The following ARMC2 variants were observed in gnomAD, a reference collection of about 807,000 sequenced individuals.
ARMC2 encodes armadillo repeat-containing protein 2.
Under a neutral mutation model 90.3 loss-of-function variants are expected in ARMC2, and 67 were observed. That is an observed-to-expected ratio of 0.74 (90% CI 0.61 to 0.91). The LOEUF is 0.91. Among genes scored for constraint, ARMC2 ranks in the 40% least tolerant of loss-of-function variants. The pLI, the probability that ARMC2 is intolerant of heterozygous loss-of-function variation, is 0.00. For missense variants in ARMC2, 920 were observed against 1,030.9 expected (o/e 0.89, Z 1.47); for synonymous variants, 393 against 393.0 (o/e 1.00, Z 0.00).
the ARMC2 span, chr6:109,002,346 A>G: frequency 6.2e-7 from 1 of 1,612,560 alleles, no homozygotes; most frequent in Non-Finnish European, 8.5e-7. Context: ...CCAAGTTCCT[A>G]GAAAAGAAAA....
chr6:108,969,301 T>C (rs184684442), intron 17 of ARMC2, among the ~76,000 whole-genome samples: 5 of 152,346 alleles, frequency 3.3e-5, no homozygotes, highest in African/African-American at 7.2e-5. Flanking sequence ...CATCTGCTGC[T>C]GAACAGCTAG....
chr6:108,854,210 A>G lies in ARMC2; in HGVS notation c.-43-15A>G. 1 of 1,330,202 alleles carries G rather than the reference A, an allele frequency of 7.5e-7. No individual in the cohort carries two copies. Among genetic ancestry groups the G allele is most frequent in the Non-Finnish European group, 1.0e-6 (1 of 953,382 alleles). The allele number at this position is 1,330,202 out of a possible 1,614,324, so 82.4% of individuals were successfully genotyped here. On this transcript the variant is annotated splice_polypyrimidine_tract_variant and intron_variant, in intron 1 of 17. Transcript: ENST00000392644. ...GGACAAAAATAATGATGGTTTTTGT[A>G]CCATGTATTTGCAGGGTGTGGTGTC...
At chr6:108,865,519 T>TG (rs1223615682) in intron 3 of ARMC2, among the ~76,000 whole-genome samples, 5 of 152,196 alleles carry the variant, frequency 3.3e-5, no homozygotes, top group Non-Finnish European at 7.3e-5. Flanking sequence ...TCCCATGAGA[T>TG]GCGTGTTTAA....
chr6:108,953,226 C>T lies in ARMC2; in HGVS notation c.1790C>T (p.Pro597Leu), dbSNP rs761534757. The change falls in exon 13 of 18, where the codon CCG becomes CTG. Residue 597 changes from proline to leucine, a missense_variant. Physicochemically the swap from Pro to Leu is moderately conservative, Grantham distance 98 (BLOSUM62 -3). Transcript: ENST00000392644. ...GAGCAGCACAGGGCGCAGAGGCCGC[C>T]GTCAGAGGCAGAGGACGTGCTCATC... ...RGEQHRAQRPPSEAEDVLIKL... is the reference protein window; with the variant it reads ...RGEQHRAQRPLSEAEDVLIKL... 24 of 1,613,828 alleles carry T rather than the reference C, an allele frequency of 1.5e-5. No individual in the cohort carries two copies. The South Asian group carries it at 1.5e-4, about 10-fold the overall frequency.
At chr6:108,870,533 AAGGT>A (rs1013443218) in intron 4 of ARMC2, among the ~76,000 whole-genome samples, 1 of 151,108 alleles carries the variant, frequency 6.6e-6, no homozygotes, top group Non-Finnish European at 1.5e-5. Flanking sequence ...AAGAGAAAGG[AAGGT>A]AGGAAGGAAG....
intron 3 of ARMC2, among the ~76,000 whole-genome samples, chr6:108,866,464 G>A (rs1370251124): frequency 6.6e-6 from 1 of 152,234 alleles, no homozygotes; most frequent in Admixed American, 6.5e-5. Context: ...GCCTGCGTCA[G>A]AGGCTAGGGC....
chr6:108,860,761 G>A (rs994431808), intron 3 of ARMC2, among the ~76,000 whole-genome samples: 102 of 152,128 alleles, frequency 6.7e-4, no homozygotes, highest in African/African-American at 2.4e-3. Context: ...ATCTGACTGG[G>A]CTGTGTTGTT....
chr6:108,890,082 T>C (rs1300300668), intron 5 of ARMC2, among the ~76,000 whole-genome samples: 8 of 145,730 alleles, frequency 5.5e-5, no homozygotes, highest in South Asian at 2.2e-4. Flanking sequence ...CCCAGCTACT[T>C]GGGAGGCTGA....
the ARMC2 span, among the ~76,000 whole-genome samples, chr6:109,032,499 T>C: frequency 6.6e-6 from 1 of 151,392 alleles, no homozygotes; most frequent in Non-Finnish European, 1.5e-5. Context: ...ACACCTGTAA[T>C]CCCAGCTATT....
At chr6:108,931,392 A>G (rs569616190) in intron 11 of ARMC2, among the ~76,000 whole-genome samples, 1 of 152,024 alleles carries the variant, frequency 6.6e-6, no homozygotes, top group South Asian at 2.1e-4. Flanking sequence ...ATTAGCGTGC[A>G]TGTATCTTTA....
chr6:108,873,915 A>T (rs1274462978), intron 4 of ARMC2, among the ~76,000 whole-genome samples: 1 of 152,190 alleles, frequency 6.6e-6, no homozygotes, highest in Admixed American at 6.5e-5. Context: ...CCCCTGCTAG[A>T]TAGAGCAACG....
intron 5 of ARMC2, among the ~76,000 whole-genome samples, chr6:108,887,017 C>T (rs1032753321): frequency 6.6e-6 from 1 of 151,786 alleles, no homozygotes; most frequent in Non-Finnish European, 1.5e-5. Context: ...AAGCAATTCT[C>T]TTGCCTCAAC....
rs148910507 is a variant in ARMC2 at position 108,873,804 on chromosome 6, C to T, written c.464-2339C>T. ...TCTGTGAAGCTTTCTCTGACCAACT[C>T]CCAACCCCTCAAGCTTTCTCCACTC... On this transcript the variant is annotated intron_variant, in intron 4 of 17. Transcript: ENST00000392644. Among the ~76,000 whole-genome samples the T allele has an allele frequency of 7.5e-4, 114 of 152,270 alleles. No homozygotes were observed. The East Asian group carries it at 0.021, about 28-fold the overall frequency.
At chr6:108,891,438 G>T (rs1771013035) in intron 5 of ARMC2, among the ~76,000 whole-genome samples, 1 of 152,144 alleles carries the variant, frequency 6.6e-6, no homozygotes, top group African/African-American at 2.4e-5. Flanking sequence ...TTTAATGATT[G>T]CCATTCTACC....
intron 7 of ARMC2, among the ~76,000 whole-genome samples, chr6:108,903,255 C>CTT (rs5879001): frequency 7.9e-5 from 12 of 151,850 alleles, no homozygotes; most frequent in Non-Finnish European, 1.6e-4. Context: ...AAATACTCTC[C>CTT]TTTTTTTAAA....
chr6:108,900,458 G>A (rs1772013559), intron 7 of ARMC2, among the ~76,000 whole-genome samples: 2 of 152,232 alleles, frequency 1.3e-5, no homozygotes, highest in Non-Finnish European at 2.9e-5. Context: ...CTCCTCTGGA[G>A]CAGTGGTCAT....
intron 6 of ARMC2, among the ~76,000 whole-genome samples, chr6:108,897,088 A>G (rs1771681775): frequency 6.6e-6 from 1 of 152,234 alleles, no homozygotes; most frequent in Non-Finnish European, 1.5e-5. Context: ...GTTAAGGCAG[A>G]TTCATAAAAA....
At chr6:108,949,104 G>A (rs1360717778) in intron 12 of ARMC2, among the ~76,000 whole-genome samples, 7 of 152,130 alleles carry the variant, frequency 4.6e-5, no homozygotes, top group Non-Finnish European at 8.8e-5. Flanking sequence ...TAACAATTTA[G>A]GGTACAAAAT....
At chr6:108,917,986 T>C (rs1190451415) in intron 10 of ARMC2, among the ~76,000 whole-genome samples, 2 of 152,136 alleles carry the variant, frequency 1.3e-5, no homozygotes, top group Admixed American at 6.5e-5. Flanking sequence ...CGGCCGAAAT[T>C]AGCTTGAATA....
Sources: gnomAD v4.1 joint callset for allele counts (sites outside exome capture counted in the v4.1 genomes callset) on GRCh38, gnomAD v4.1.1 for gene constraint, MANE v1.5 for transcripts, NCBI Gene and HGNC (gene_info 2026-07-23, HGNC 2026-07-21) for gene names.